The following DTNA variants were observed in gnomAD, a reference collection of about 807,000 sequenced individuals.
DTNA encodes dystrophin-related protein 3.
In DTNA, 43 loss-of-function variants were observed where a neutral mutation model predicts 100.7. That is an observed-to-expected ratio of 0.43 (90% CI 0.33 to 0.55). The LOEUF is 0.55. DTNA is among the 20% of genes least tolerant of loss of function. The pLI, the probability that DTNA is intolerant of heterozygous loss-of-function variation, is 0.04. For missense variants in DTNA, 798 were observed against 953.9 expected (o/e 0.84, Z 2.15); for synonymous variants, 349 against 347.9 (o/e 1.00, Z -0.04).
chr18:34,522,604 GAT>G (rs1377884799), intron 1 of DTNA, among the ~76,000 whole-genome samples: 1 of 152,184 alleles, frequency 6.6e-6, no homozygotes, highest in Non-Finnish European at 1.5e-5. Flanking sequence ...ACTGATGCCT[GAT>G]ATATTAGTGC....
At position 34,841,608 on chromosome 18, in the gene DTNA, C is replaced by T. The variant is rs1265604165; in HGVS notation, c.1346+2771C>T. On this transcript the variant is annotated intron_variant, in intron 13 of 22. Transcript: ENST00000444659. ...CTTTTTCCACACATTATTTAATTTA[C>T]TTCTCATAGTCCTAGAAGGTTGGAT... 2.0e-5 allele frequency among the ~76,000 whole-genome samples: 3 copies of T among 152,132 alleles called. No individual in the cohort carries two copies. The East Asian group carries it at 5.8e-4, about 29-fold the overall frequency.
chr18:34,695,323 C>A (rs546194740), intron 1 of DTNA, among the ~76,000 whole-genome samples: 1 of 152,290 alleles, frequency 6.6e-6, no homozygotes, highest in South Asian at 2.1e-4. Flanking sequence ...TATTAATCCA[C>A]CTCCTGAATC....
intron 1 of DTNA, among the ~76,000 whole-genome samples, chr18:34,606,446 A>G (rs948343669): frequency 8.5e-5 from 13 of 152,172 alleles, no homozygotes; most frequent in African/African-American, 3.1e-4. Flanking sequence ...TTTCACAACC[A>G]AGACTCGTAT....
upstream of DTNA, among the ~76,000 whole-genome samples, chr18:34,709,023 C>T (rs2082459507): frequency 1.3e-5 from 2 of 152,140 alleles, no homozygotes; most frequent in South Asian, 4.1e-4. Context: ...AACTCCTCTG[C>T]CTTGCCTCTC....
intron 22 of DTNA, among the ~76,000 whole-genome samples, chr18:34,887,320 T>C (rs1356792009): frequency 6.6e-6 from 1 of 152,226 alleles, no homozygotes; most frequent in African/African-American, 2.4e-5. Context: ...AATTTGTCCC[T>C]GTTACATCCT....
chr18:34,800,018 A>G (rs2095145935), intron 4 of DTNA, among the ~76,000 whole-genome samples: 1 of 152,326 alleles, frequency 6.6e-6, no homozygotes, highest in Admixed American at 6.5e-5. Flanking sequence ...TAACTTCACT[A>G]CGCCCCAAAC....
rs8083743 is a variant in DTNA, at chr18:34,552,675, A to G, written c.-2+59161A>G. On this transcript the variant is annotated intron_variant, in intron 1 of 19. Coordinates refer to the DTNA transcript ENST00000283365. ...AGTTTACTGAGAATGATGATTTCCA[A>G]TTTCATCCATGTCCCTACAAAGGAC... 5.2e-3 allele frequency among the ~76,000 whole-genome samples: 783 copies of G among 151,136 alleles called. 6 individuals are homozygous for G. Among genetic ancestry groups the G allele is most frequent in the African/African-American group, 0.018 (735 of 41,152 alleles).
intron 1 of DTNA, among the ~76,000 whole-genome samples, chr18:34,560,425 G>A (rs959808612): frequency 6.6e-6 from 1 of 152,104 alleles, no homozygotes; most frequent in African/African-American, 2.4e-5. Context: ...AAAGATACTT[G>A]TAACTTAGAA....
At chr18:34,784,226 A>G (rs903028764) in intron 3 of DTNA, among the ~76,000 whole-genome samples, 1 of 152,226 alleles carries the variant, frequency 6.6e-6, no homozygotes, top group East Asian at 1.9e-4. Context: ...ATGAAATTAA[A>G]CATTTAACTT....
chr18:34,558,915 A>G (rs1008705457), intron 1 of DTNA, among the ~76,000 whole-genome samples: 2 of 152,210 alleles, frequency 1.3e-5, no homozygotes, highest in Non-Finnish European at 2.9e-5. Context: ...GAATGAGACT[A>G]TTGATGGAGA....
intron 1 of DTNA, among the ~76,000 whole-genome samples, chr18:34,648,119 G>C (rs138330584): frequency 1.1e-3 from 171 of 152,268 alleles, no homozygotes; most frequent in African/African-American, 4.0e-3. Context: ...CATCTGAGTT[G>C]GGAAGAGATT....
At chr18:34,621,269 A>G (rs910515905) in intron 1 of DTNA, among the ~76,000 whole-genome samples, 4 of 150,274 alleles carry the variant, frequency 2.7e-5, no homozygotes, top group African/African-American at 9.7e-5. Context: ...TTGTGTGTGT[A>G]TATATATACA....
chr18:34,785,752 T>C (rs1258143838), intron 3 of DTNA, among the ~76,000 whole-genome samples: 2 of 152,206 alleles, frequency 1.3e-5, no homozygotes, highest in Non-Finnish European at 2.9e-5. Context: ...TAGATTATTA[T>C]TGCATGCTCA....
chr18:34,817,734 G>A lies in DTNA; in HGVS notation c.710-430G>A, dbSNP rs372639965. On this transcript the variant is annotated intron_variant, in intron 7 of 22. Coordinates refer to ENST00000444659, the MANE Select transcript of DTNA (RefSeq NM_001386795.1). ...TTCTTTTTTCTTCCTCTCATTCTCC[G>A]TGTCTCTGATATTCGCTCTCTTCCC... 1.8e-3 allele frequency among the ~76,000 whole-genome samples: 280 copies of A among 151,914 alleles called. 4 individuals carry two copies. The highest frequency in any genetic ancestry group is 6.5e-3 in the African/African-American group (267 of 41,386).
At chr18:34,519,074 A>G (rs1039318400) in intron 1 of DTNA, among the ~76,000 whole-genome samples, 3 of 152,096 alleles carry the variant, frequency 2.0e-5, no homozygotes, top group Admixed American at 6.6e-5. Context: ...GTCAAAGGTA[A>G]ACAAAGTGGA....
intron 1 of DTNA, chr18:34,493,894 A>G (rs2038845068): frequency 6.8e-6 from 1 of 147,438 alleles, no homozygotes; most frequent in Admixed American, 6.7e-5. Context: ...AGCGCGAAGC[A>G]TGTGCCGGGC....
At chr18:34,742,660 T>TATTATCTATCTAGAATAG (rs1415839710) in intron 1 of DTNA, among the ~76,000 whole-genome samples, 1 of 151,830 alleles carries the variant, frequency 6.6e-6, no homozygotes, top group Non-Finnish European at 1.5e-5. Context: ...ATAGATAATC[T>TATTATCTATCTAGAATAG]ATTATCTATC....
At chr18:34,726,538 C>G (rs2086731288) in intron 1 of DTNA, among the ~76,000 whole-genome samples, 1 of 152,206 alleles carries the variant, frequency 6.6e-6, no homozygotes, top group African/African-American at 2.4e-5. Flanking sequence ...AGGGAAAAAT[C>G]AGCCTGAGGA....
At chr18:34,703,318 C>A (rs568892045) in intron 1 of DTNA, among the ~76,000 whole-genome samples, 209 of 152,210 alleles carry the variant, frequency 1.4e-3, no homozygotes, top group Non-Finnish European at 2.4e-3. Context: ...ACTTATAAGC[C>A]AGAATTTTGG....
Sources: gnomAD v4.1 joint callset for allele counts (sites outside exome capture counted in the v4.1 genomes callset) on GRCh38, gnomAD v4.1.1 for gene constraint, MANE v1.5 for transcripts, NCBI Gene and HGNC (gene_info 2026-07-23, HGNC 2026-07-21) for gene names.